Variants in RCCD1 observed in about 807,000 individuals in gnomAD.
The protein encoded by RCCD1 is RCC1 domain containing 1, also known as RCC1 domain-containing protein 1.
In RCCD1, 40 loss-of-function variants were observed where a neutral mutation model predicts 37.6. The observed-to-expected ratio is 1.06, with a 90% confidence interval of 0.83 to 1.39. RCCD1 has a LOEUF of 1.39. RCCD1 is among the 40% of genes most tolerant of loss of function. RCCD1 has a pLI of 0.00. For missense variants in RCCD1, 577 were observed against 517.3 expected (o/e 1.12, Z -1.12); for synonymous variants, 263 against 230.0 (o/e 1.14, Z -1.30).
intron 4 of RCCD1, among the ~76,000 whole-genome samples, chr15:90,959,187 C>T (rs1289451940): frequency 6.6e-6 from 1 of 152,136 alleles, no homozygotes; most frequent in Non-Finnish European, 1.5e-5. Flanking sequence ...AATAGGGATC[C>T]TGCGTAAATG....
intron 7 of RCCD1, 23 bp from the exon 8 acceptor site, chr15:90,961,595 C>T (rs1323384460): frequency 3.1e-6 from 5 of 1,603,910 alleles, no homozygotes; most frequent in Non-Finnish European, 4.3e-6. Flanking sequence ...GAGACGATGG[C>T]AAAGGGGCTG....
intron 7 of RCCD1, 63 bp downstream of exon 7, chr15:90,961,117 G>T: frequency 6.6e-7 from 1 of 1,526,346 alleles, no homozygotes; most frequent in South Asian, 1.2e-5. Context: ...GGGAGTACAG[G>T]GCAGGTGACA....
chr15:90,957,613 G>A lies in RCCD1; in HGVS notation c.567G>A (p.Gln189=). Residue 189 remains glutamine (Q), a synonymous_variant, in exon 4 of 8, where the codon CAG becomes CAA. Coordinates refer to ENST00000394258, the MANE Select transcript of RCCD1 (RefSeq NM_001017919.2). ...VFSWGGGRHG[Q]LGHGTLEAEL... ...GGTCTCCCTTGCTCAGGCATGGACA[G>A]CTGGGCCATGGGACCCTGGAGGCAG... 6.2e-7 allele frequency: 1 copy of A among 1,614,124 alleles called. No individual in the cohort carries two copies. Among genetic ancestry groups the A allele is most frequent in the Non-Finnish European group, 8.5e-7 (1 of 1,180,026 alleles).
rs1381333854 is a variant in RCCD1, at chr15:90,959,884, C to T, written c.680-16C>T. ...GCTTCACAGTCTGTTTCATGTGTCC[C>T]CTTGATCTCTTTCAGAGACTGGGGA... On this transcript the variant is annotated splice_polypyrimidine_tract_variant and intron_variant, in intron 4 of 7. Transcript: ENST00000394258. 1.9e-6 allele frequency: 3 copies of T among 1,588,598 alleles called. No homozygotes were observed. The highest frequency in any genetic ancestry group is 2.7e-5 in the African/African-American group (2 of 74,370).
intron 5 of RCCD1, 58 bp from the exon 6 acceptor site, chr15:90,960,270 T>C: frequency 6.6e-7 from 1 of 1,504,568 alleles, no homozygotes; most frequent in Non-Finnish European, 9.0e-7. Context: ...AGTGACTGCA[T>C]GAATAAGATT....
At position 90,961,056 on chromosome 15, in the gene RCCD1, T is replaced by C; in HGVS notation, c.979+2T>C. ...GGGAGCTCTACACCTGGGGCTGGGG[T>C]AAGTAAAAGGATTGTTTTTGTGACC... is the stretch of plus-strand genomic sequence containing the variant. On this transcript the variant is annotated splice_donor_variant, in intron 7 of 7. Coordinates refer to ENST00000394258, the MANE Select transcript of RCCD1 (RefSeq NM_001017919.2). LOFTEE classifies it high-confidence loss of function. 6.2e-7 allele frequency: 1 copy of C among 1,613,286 alleles called. No individual in the cohort carries two copies. The highest frequency in any genetic ancestry group is 8.5e-7 in the Non-Finnish European group (1 of 1,179,818).
chr15:90,957,169 G>T lies in RCCD1; in HGVS notation c.223G>T (p.Asp75Tyr). The T allele has an allele frequency of 7.3e-7, 1 of 1,375,672 alleles. No individual in the cohort carries two copies. Among genetic ancestry groups the T allele is most frequent in the Non-Finnish European group, 9.3e-7 (1 of 1,071,256 alleles). The allele number at this position is 1,375,672 out of a possible 1,614,324, so 85.2% of individuals were successfully genotyped here. A position where few individuals can be genotyped will look rare whatever the true frequency, so the allele number is the denominator to read the frequency against. The change falls in exon 3 of 8, where the codon GAC becomes TAC. Residue 75 changes from aspartate (D) to tyrosine (Y), a missense_variant. Transcript: ENST00000394258. ...CAGCGGCGCGGCGGGCCGCTGCAAGGACGCGTGGGCCTCGGAGGGGCTCCT... is the reference window on the plus strand; with the variant it reads ...CAGCGGCGCGGCGGGCCGCTGCAAGTACGCGTGGGCCTCGGAGGGGCTCCT... ...SASGAAGRCK[D>Y]AWASEGLLAV...
chr15:90,961,674 G>T lies in RCCD1; in HGVS notation c.1036G>T (p.Val346Leu). 6.2e-7 allele frequency: 1 copy of T among 1,614,200 alleles called. No individual in the cohort carries two copies. The highest frequency in any genetic ancestry group is 8.5e-7 in the Non-Finnish European group (1 of 1,180,026). The change falls in exon 8 of 8, where the codon GTG becomes TTG. Residue 346 changes from valine (V) to leucine (L), a missense_variant. Val to Leu is a conservative substitution (Grantham distance 32). Transcript: ENST00000394258. ...CACCAGCTTGGATCGGCCTCGCCGT[G>T]TGGAATACTTTGTAGATAAGCAACT... ...DTTSLDRPRR[V>L]EYFVDKQLQV...
In RCCD1 at chr15:90,961,643, G is replaced by A. The variant is rs747709143; in HGVS notation, c.1005G>A (p.Glu335=). 46 of 1,613,802 alleles carry A rather than the reference G, an allele frequency of 2.9e-5. No individual in the cohort carries two copies. Among genetic ancestry groups the A allele is most frequent in the Admixed American group, 1.8e-4 (11 of 59,936 alleles). ...GTAAATATGGACAGCTGGGCCACGA[G>A]GACACCACCAGCTTGGATCGGCCTC... is the stretch of plus-strand genomic sequence containing the variant. ...GWGKYGQLGH[E]DTTSLDRPRR... Residue 335 remains glutamate (E), a synonymous_variant, in exon 8 of 8, where the codon GAG becomes GAA. Coordinates refer to ENST00000394258, the MANE Select transcript of RCCD1 (RefSeq NM_001017919.2).
intron 4 of RCCD1, among the ~76,000 whole-genome samples, chr15:90,959,580 C>A (rs571481953): frequency 1.3e-5 from 2 of 152,360 alleles, no homozygotes; most frequent in African/African-American, 2.4e-5. Flanking sequence ...ACCAATGCAC[C>A]TGGCCCTGGC....
At position 90,957,240 on chromosome 15, in the gene RCCD1, C is replaced by T; in HGVS notation, c.294C>T (p.Val98=). Residue 98 remains valine, a synonymous_variant, in exon 3 of 8, where the codon GTC becomes GTT. Transcript: ENST00000394258. ...CGGGGCCGGAGGCGTTACTGCAGGT[C>T]TGGGCGGCCGAATCGGCGCTGCGTG... is the stretch of plus-strand genomic sequence containing the variant. ...AGPGPEALLQ[V]WAAESALRGE... 1 of 1,463,314 alleles carries T rather than the reference C, an allele frequency of 6.8e-7. No homozygotes were observed. Among genetic ancestry groups the T allele is most frequent in the Non-Finnish European group, 9.0e-7 (1 of 1,105,122 alleles). The allele number at this position is 1,463,314 out of a possible 1,614,324, so 90.6% of individuals were successfully genotyped here.
Position 90,961,042 on chromosome 15 carries a change from A to G in RCCD1, c.967A>G (p.Thr323Ala), listed in dbSNP as rs764245422. The change falls in exon 7 of 8, where the codon ACC becomes GCC. Residue 323 changes from threonine to alanine, a missense_variant. Transcript: ENST00000394258. ...AVVTRTGELYTWGWGKYGQLG... is the reference protein window; with the variant it reads ...AVVTRTGELYAWGWGKYGQLG... ...GCTTTCAGGAACAGGGGAGCTCTAC[A>G]CCTGGGGCTGGGGTAAGTAAAAGGA... The G allele has an allele frequency of 7.4e-6, 12 of 1,613,632 alleles. No homozygotes were observed. The highest frequency in any genetic ancestry group is 6.8e-6 in the Non-Finnish European group (8 of 1,179,956).
At chr15:90,960,551 G>A (rs569383986) in intron 6 of RCCD1, 53 bp downstream of exon 6, 15 of 1,546,628 alleles carry the variant, frequency 9.7e-6, no homozygotes, top group Admixed American at 5.6e-5. Context: ...CCTACGGAAG[G>A]GGGTGTGGTC....
Position 90,957,221 on chromosome 15 carries a change from CG to C in RCCD1, c.277del (p.Glu93ArgfsTer52). On this transcript the variant is annotated frameshift_variant, in exon 3 of 8. Transcript: ENST00000394258. LOFTEE classifies it high-confidence loss of function. Reference sequence around the variant, plus strand: ...GCGGTGCTGCGCGCCGGGCCGGGGCCGGAGGCGTTACTGCAGGTCTGGGCGG... The same window carrying C: ...GCGGTGCTGCGCGCCGGGCCGGGGCCGAGGCGTTACTGCAGGTCTGGGCGG... ...LLAVLRAGPGPEALLQVWAAE... is the reference protein window; with the variant it reads ...LLAVLRAGPGXEALLQVWAAE... The C allele has an allele frequency of 7.0e-7, 1 of 1,422,420 alleles. No individual in the cohort carries two copies. The highest frequency in any genetic ancestry group is 9.2e-7 in the Non-Finnish European group (1 of 1,089,898). 88.1% of individuals were successfully genotyped at this position (1,422,420 alleles called of 1,614,324 possible).
Position 90,962,669 on chromosome 15 carries a change from T to A in RCCD1, c.*900T>A, listed in dbSNP as rs1244476479. 1 of 152,226 alleles carries A rather than the reference T, an allele frequency of 6.6e-6. No individual in the cohort carries two copies. The highest frequency in any genetic ancestry group is 2.4e-5 in the African/African-American group (1 of 41,466). 9.4% of individuals were successfully genotyped at this position (152,226 alleles called of 1,614,324 possible). A position where few individuals can be genotyped will look rare whatever the true frequency, so the allele number is the denominator to read the frequency against. On this transcript the variant is annotated 3_prime_UTR_variant, in exon 8 of 8. Transcript: ENST00000394258. ...CACTTTGGGAGGCTAAGCAGGGAGA[T>A]TGCTTGAGGCGAAGAGTTCATATGT...
At chr15:90,961,440 G>T (rs1567169967) in intron 7 of RCCD1, 178 bp from the exon 8 acceptor site, 4 of 646,026 alleles carry the variant, frequency 6.2e-6, no homozygotes, top group South Asian at 2.0e-5. Context: ...GCCTGGAGTG[G>T]CTGGTCGCCA....
rs745985461 is a variant in RCCD1 at position 90,959,889 on chromosome 15, A to G, written c.680-11A>G. 2.5e-6 allele frequency: 4 copies of G among 1,593,172 alleles called. No homozygotes were observed. Among genetic ancestry groups the G allele is most frequent in the African/African-American group, 2.7e-5 (2 of 74,388 alleles). On this transcript the variant is annotated splice_polypyrimidine_tract_variant and intron_variant, in intron 4 of 7. Transcript: ENST00000394258. ...ACAGTCTGTTTCATGTGTCCCCTTG[A>G]TCTCTTTCAGAGACTGGGGATATTT...
In RCCD1 at chr15:90,956,770, C is replaced by G. The variant is rs904796415; in HGVS notation, c.36C>G (p.Phe12Leu). ...AGCGGCCGGGGGCCTGGTTCGGCTT[C>G]GGTTTCTGCGGCTTCGGGCAGGAGC... ...AEERPGAWFG[F>L]GFCGFGQELG... The change falls in exon 2 of 8, where the codon TTC (phenylalanine) becomes TTG (leucine). Residue 12 changes from phenylalanine to leucine, a missense_variant. Physicochemically the swap from Phe to Leu is conservative, Grantham distance 22. Coordinates refer to ENST00000394258, the MANE Select transcript of RCCD1 (RefSeq NM_001017919.2). The G allele has an allele frequency of 3.6e-5, 48 of 1,334,484 alleles. No homozygotes were observed. The highest frequency in any genetic ancestry group is 4.3e-5 in the Non-Finnish European group (45 of 1,041,958). 82.7% of individuals were successfully genotyped at this position (1,334,484 alleles called of 1,614,324 possible).
At position 90,962,824 on chromosome 15, in the gene RCCD1, A is replaced by G. The variant is rs2037341007; in HGVS notation, c.*1055A>G. On this transcript the variant is annotated 3_prime_UTR_variant, in exon 8 of 8. Transcript: ENST00000394258. ...AGATACAAGTCTTTTGAGAGTTAGT[A>G]TTCAGAGTATCTTCTGCTACAATGT... is the stretch of plus-strand genomic sequence containing the variant. 6.6e-6 allele frequency: 1 copy of G among 152,232 alleles called. No homozygotes were observed. The allele number at this position is 152,232 out of a possible 1,614,324, so 9.4% of individuals were successfully genotyped here.
Sources: gnomAD v4.1 joint callset for allele counts (sites outside exome capture counted in the v4.1 genomes callset) on GRCh38, gnomAD v4.1.1 for gene constraint, MANE v1.5 for transcripts, NCBI Gene and HGNC (gene_info 2026-07-23, HGNC 2026-07-21) for gene names.